Variants in IKZF3 observed in about 807,000 individuals in gnomAD.
The protein encoded by IKZF3 is zinc finger protein Aiolos.
In IKZF3, 10 loss-of-function variants were observed where a neutral mutation model predicts 49.0. The observed-to-expected ratio is 0.20, with a 90% confidence interval of 0.13 to 0.35. The LOEUF is 0.35. IKZF3 is among the 10% of genes least tolerant of loss of function. The probability of loss-of-function intolerance (pLI) is 1.00; values close to 1 mark genes in which losing one functional copy is unlikely to be tolerated. For synonymous variants in IKZF3, 209 were observed against 228.2 expected (o/e 0.92, Z 0.76); for missense variants, 498 against 664.8 (o/e 0.75, Z 2.76).
In IKZF3 at chr17:39,829,379, C is replaced by T. The variant is rs760142362; in HGVS notation, c.163+8G>A. ...GCATCAGTGTTTAGTCTGCACACTA[C>T]GGCTCACCTCCTATGTCTTCATCTT... On this transcript the variant is annotated splice_region_variant and intron_variant, in intron 3 of 7. Transcript: ENST00000346872. 44 of 1,595,638 alleles carry T rather than the reference C, an allele frequency of 2.8e-5. No homozygotes were observed. The South Asian group carries it at 3.6e-4, about 13-fold the overall frequency.
chr17:39,777,615 T>C lies in IKZF3; in HGVS notation c.826+36A>G, dbSNP rs774876998. 5.6e-6 allele frequency: 8 copies of C among 1,436,504 alleles called. No individual in the cohort carries two copies. The East Asian group carries it at 1.1e-4, about 20-fold the overall frequency. 89.0% of individuals were successfully genotyped at this position (1,436,504 alleles called of 1,614,324 possible). On this transcript the variant is annotated intron_variant, in intron 7 of 7. Coordinates refer to ENST00000346872, the MANE Select transcript of IKZF3 (RefSeq NM_012481.5). ...CCTATGTTATTTCATTCAAACTATC[T>C]GCTAACAACAGCAGGAAAAAGGTTT...
intron 1 of IKZF3, among the ~76,000 whole-genome samples, chr17:39,853,987 G>A (rs1297514155): frequency 6.6e-6 from 1 of 151,904 alleles, no homozygotes; most frequent in African/African-American, 2.4e-5. Context: ...TTAGCTGGGC[G>A]TGGTGGCACA....
At chr17:39,836,086 A>G in intron 1 of IKZF3, 1 of 659,756 alleles carries the variant, frequency 1.5e-6, no homozygotes, top group Non-Finnish European at 2.7e-6. Flanking sequence ...AACCGCGATG[A>G]AGGGGGCAAA....
intron 3 of IKZF3, among the ~76,000 whole-genome samples, chr17:39,821,288 G>T (rs8076347): frequency 0.092 from 14,022 of 152,020 alleles, 1,319 homozygotes; most frequent in African/African-American, 0.24. Flanking sequence ...ACAACGGAAT[G>T]GCCTAGAGAT....
Position 39,853,832 on chromosome 17 carries a change from C to CT in IKZF3, c.7+10287dup, listed in dbSNP as rs772684466. On this transcript the variant is annotated intron_variant, in intron 1 of 7. Coordinates refer to ENST00000346872, the MANE Select transcript of IKZF3 (RefSeq NM_012481.5). ...CCTGGCAACAAGAGCGAAACTCCGT[C>CT]TAAAAAAAAAAAAAAGGAAGAACAC... is the stretch of plus-strand genomic sequence containing the variant. 1.7e-4 allele frequency among the ~76,000 whole-genome samples: 24 copies of CT among 137,840 alleles called. No individual in the cohort carries two copies. In the East Asian group the frequency reaches 4.9e-3, roughly 28 times the overall value. The allele number at this position is 137,840 out of a possible 152,430, so 90.4% of individuals were successfully genotyped here.
At chr17:39,835,854 T>C (rs2062262739) in intron 1 of IKZF3, 3 of 604,364 alleles carry the variant, frequency 5.0e-6, no homozygotes, top group Non-Finnish European at 9.5e-6. Context: ...CTCTGTATGC[T>C]TACTGATCTC....
At chr17:39,786,005 C>A (rs2060865487) in intron 6 of IKZF3, among the ~76,000 whole-genome samples, 1 of 152,106 alleles carries the variant, frequency 6.6e-6, no homozygotes, top group Admixed American at 6.5e-5. Flanking sequence ...CCAGAACAGG[C>A]AAATCCATAG....
At chr17:39,824,693 CT>C (rs768606972) in intron 3 of IKZF3, among the ~76,000 whole-genome samples, 2,003 of 141,398 alleles carry the variant, frequency 0.014, 14 homozygotes, top group Middle Eastern at 0.026. Flanking sequence ...GATCTGATGG[CT>C]TTTTTTTTTT....
chr17:39,810,063 A>G (rs976277552), intron 3 of IKZF3, among the ~76,000 whole-genome samples: 1 of 152,228 alleles, frequency 6.6e-6, no homozygotes, highest in Non-Finnish European at 1.5e-5. Flanking sequence ...ACACATGCCC[A>G]TAAACACGAA....
chr17:39,809,919 C>G (rs991212445), intron 3 of IKZF3, among the ~76,000 whole-genome samples: 1 of 152,184 alleles, frequency 6.6e-6, no homozygotes, highest in African/African-American at 2.4e-5. Context: ...ATTCCACATG[C>G]CAGTGCATAT....
At chr17:39,787,110 C>T (rs2060892739) in intron 6 of IKZF3, among the ~76,000 whole-genome samples, 1 of 152,210 alleles carries the variant, frequency 6.6e-6, no homozygotes, top group African/African-American at 2.4e-5. Context: ...CTGTCAAACA[C>T]TAAATCCCAT....
At chr17:39,824,134 A>G (rs1426036591) in intron 3 of IKZF3, among the ~76,000 whole-genome samples, 1 of 152,226 alleles carries the variant, frequency 6.6e-6, no homozygotes, top group African/African-American at 2.4e-5. Context: ...AAGCCATGGG[A>G]GCCCACCTCT....
intron 7 of IKZF3, among the ~76,000 whole-genome samples, chr17:39,774,168 C>G (rs113730542): frequency 0.024 from 3,632 of 152,204 alleles, 61 homozygotes; most frequent in Non-Finnish European, 0.036. Flanking sequence ...ACCTGATGGT[C>G]TATTTTCACC....
At chr17:39,767,251 T>C (rs527663056) in intron 7 of IKZF3, among the ~76,000 whole-genome samples, 1 of 152,286 alleles carries the variant, frequency 6.6e-6, no homozygotes. Flanking sequence ...TATCTCACAC[T>C]TAACTGAAAA....
Position 39,856,051 on chromosome 17 carries a change from T to TATGTACAATATAACATGTATATTGTAC in IKZF3, c.7+8068_7+8069insGTACAATATACATGTTATATTGTACAT, listed in dbSNP as rs1568073630. Among the ~76,000 whole-genome samples the TATGTACAATATAACATGTATATTGTAC allele has an allele frequency of 4.8e-4, 65 of 135,290 alleles. 1 individual carries two copies. In the South Asian group the frequency reaches 8.7e-3, roughly 18 times the overall value. 88.8% of individuals were successfully genotyped at this position (135,290 alleles called of 152,430 possible). ...TGTACAATATAACATGTATATTGTA[T>TATGTACAATATAACATGTATATTGTAC]ATGTACAATATAACATGTATATTGT... On this transcript the variant is annotated intron_variant, in intron 1 of 7. Coordinates refer to ENST00000346872, the MANE Select transcript of IKZF3 (RefSeq NM_012481.5).
At chr17:39,789,949 C>T (rs908368210) in intron 5 of IKZF3, among the ~76,000 whole-genome samples, 9 of 150,916 alleles carry the variant, frequency 6.0e-5, no homozygotes, top group African/African-American at 2.2e-4. Flanking sequence ...AAAATGACTT[C>T]GTCTAAATGT....
At chr17:39,821,695 T>G (rs1447964518) in intron 3 of IKZF3, among the ~76,000 whole-genome samples, 1 of 152,154 alleles carries the variant, frequency 6.6e-6, no homozygotes, top group Non-Finnish European at 1.5e-5. Flanking sequence ...CTTCGGATGC[T>G]AGACCCAAAG....
At chr17:39,832,034 T>C in intron 2 of IKZF3, 64 bp downstream of exon 2, 1 of 1,207,660 alleles carries the variant, frequency 8.3e-7, no homozygotes, top group Non-Finnish European at 1.2e-6. Flanking sequence ...ATAAGCACAT[T>C]CCTCTCTCTT....
intron 3 of IKZF3, among the ~76,000 whole-genome samples, chr17:39,825,472 G>A (rs2144246531): frequency 6.6e-6 from 1 of 152,308 alleles, no homozygotes; most frequent in Admixed American, 6.5e-5. Flanking sequence ...AGGCAAGGCA[G>A]GGCTGGGTAA....
Sources: gnomAD v4.1 joint callset for allele counts (sites outside exome capture counted in the v4.1 genomes callset) on GRCh38, gnomAD v4.1.1 for gene constraint, MANE v1.5 for transcripts, NCBI Gene and HGNC (gene_info 2026-07-23, HGNC 2026-07-21) for gene names.